VPS13D: variants seen among roughly 807,000 people sequenced by gnomAD.
VPS13D encodes vacuolar protein sorting 13 homolog D.
In VPS13D, 187 loss-of-function variants were observed where a neutral mutation model predicts 461.9. That is an observed-to-expected ratio of 0.40 (90% CI 0.36 to 0.46). The LOEUF is 0.46. Among genes scored for constraint, VPS13D ranks in the 20% least tolerant of loss-of-function variants. The probability of loss-of-function intolerance (pLI) is 0.60; values close to 1 mark genes in which losing one functional copy is unlikely to be tolerated. For synonymous variants in VPS13D, 1,951 were observed against 1,986.3 expected (o/e 0.98, Z 0.47); for missense variants, 4,711 against 5,364.9 (o/e 0.88, Z 3.81).
At chr1:12,248,970 A>G (rs2101228783) in intron 5 of VPS13D, among the ~76,000 whole-genome samples, 1 of 152,310 alleles carries the variant, frequency 6.6e-6, no homozygotes, top group South Asian at 2.1e-4. Flanking sequence ...ACATAACATA[A>G]TATAACATAT....
intron 41 of VPS13D, 28 bp from the exon 42 acceptor site, chr1:12,342,871 A>G: frequency 6.3e-7 from 1 of 1,592,702 alleles, no homozygotes; most frequent in South Asian, 1.1e-5. Context: ...AAACAGGGAC[A>G]GGCTGATGTC....
chr1:12,418,571 G>A (rs1644824292), intron 65 of VPS13D, among the ~76,000 whole-genome samples: 2 of 152,246 alleles, frequency 1.3e-5, no homozygotes, highest in African/African-American at 4.8e-5. Context: ...AAATGAAGAT[G>A]CTTATGATTT....
chr1:12,474,553 T>C (rs574189955), intron 67 of VPS13D, among the ~76,000 whole-genome samples: 21 of 152,280 alleles, frequency 1.4e-4, no homozygotes, highest in Admixed American at 1.4e-3. Flanking sequence ...CATTTCTAGC[T>C]AAGTCTGATG....
intron 58 of VPS13D, among the ~76,000 whole-genome samples, chr1:12,384,528 A>G (rs1374533024): frequency 6.6e-6 from 1 of 152,192 alleles, no homozygotes; most frequent in Non-Finnish European, 1.5e-5. Context: ...TTATTAGGTC[A>G]TAGCGTAATC....
intron 67 of VPS13D, among the ~76,000 whole-genome samples, chr1:12,489,106 T>C (rs79244591): frequency 0.036 from 5,466 of 152,326 alleles, 195 homozygotes; most frequent in Admixed American, 0.11. Context: ...CTTGGAATTC[T>C]TTATAAAGTA....
intron 65 of VPS13D, among the ~76,000 whole-genome samples, chr1:12,450,487 G>T (rs2100378577): frequency 6.6e-6 from 1 of 152,274 alleles, no homozygotes; most frequent in Middle Eastern, 3.4e-3. Flanking sequence ...ACTTGACGAT[G>T]ACGTAAAAGC....
chr1:12,279,607 C>T lies in VPS13D; in HGVS notation c.4559C>T (p.Ser1520Phe), dbSNP rs776582066. The T allele has an allele frequency of 8.1e-6, 13 of 1,612,748 alleles. No individual in the cohort carries two copies. The South Asian group carries it at 1.4e-4, about 18-fold the overall frequency. Residue 1520 changes from serine to phenylalanine, a missense_variant, in exon 20 of 70, where the codon TCT (serine) becomes TTT (phenylalanine). Coordinates refer to ENST00000620676, the MANE Select transcript of VPS13D (RefSeq NM_015378.4). This position sits in a 1 kb window ranked among gnomAD's most constrained non-coding sequence, Gnocchi z 4.3. ...CTTAGCCCAGATGACCTGGGAACTTCTAGCATCATGAAGATTGAAGGAAAA... is the reference window on the plus strand; with the variant it reads ...CTTAGCCCAGATGACCTGGGAACTTTTAGCATCATGAAGATTGAAGGAAAA... ...FSLSPDDLGTSSIMKIEGKFV... is the reference protein window; with the variant it reads ...FSLSPDDLGTFSIMKIEGKFV...
chr1:12,353,377 C>G (rs561433482), intron 46 of VPS13D, among the ~76,000 whole-genome samples: 1 of 151,584 alleles, frequency 6.6e-6, no homozygotes, highest in African/African-American at 2.4e-5. Context: ...ACTAAAAATA[C>G]AAAAAATTAG....
rs774897054 is a variant in VPS13D, at chr1:12,314,265, C to A, written c.7086C>A (p.Ile2362=). 1 of 1,614,178 alleles carries A rather than the reference C, an allele frequency of 6.2e-7. No homozygotes were observed. The highest frequency in any genetic ancestry group is 2.2e-5 in the East Asian group (1 of 44,878). The change falls in exon 30 of 70, where the codon ATC becomes ATA. Residue 2362 remains isoleucine (I), a synonymous_variant. Transcript: ENST00000620676. ...SPGMTNVFSC[I]FQPAKNSSTT... is the part of the protein sequence containing the mutation. The stretch of plus-strand genomic sequence containing the variant: ...GCATGACGAATGTGTTCAGCTGTAT[C>A]TTTCAGCCCGCTAAGAACAGCAGCA...
chr1:12,290,203 A>G (rs1355773220), intron 22 of VPS13D, among the ~76,000 whole-genome samples: 1 of 152,176 alleles, frequency 6.6e-6, no homozygotes, highest in Non-Finnish European at 1.5e-5. Flanking sequence ...GTAGTTTCAA[A>G]TCTGTGTCTC....
Position 12,241,136 on chromosome 1 carries a change from T to C in VPS13D, c.98-1377T>C, listed in dbSNP as rs564246788. ...TTAAAAATTTATTGTAGAGTTGGGGTCTTGCCGTATTGCCCAGGCTGGTCT... is the reference window on the plus strand; with the variant it reads ...TTAAAAATTTATTGTAGAGTTGGGGCCTTGCCGTATTGCCCAGGCTGGTCT... On this transcript the variant is annotated intron_variant, in intron 2 of 69. Transcript: ENST00000620676. Among the ~76,000 whole-genome samples, 23 of 152,030 alleles carry C rather than the reference T, an allele frequency of 1.5e-4. No individual in the cohort carries two copies. The South Asian group carries it at 2.1e-3, about 14-fold the overall frequency.
intron 2 of VPS13D, among the ~76,000 whole-genome samples, chr1:12,234,840 G>A (rs1157620678): frequency 6.6e-6 from 1 of 152,174 alleles, no homozygotes; most frequent in African/African-American, 2.4e-5. Flanking sequence ...CTAGCCTGCT[G>A]GCATATAGTA....
intron 54 of VPS13D, among the ~76,000 whole-genome samples, chr1:12,372,221 T>A (rs1570030218): frequency 6.6e-6 from 1 of 152,186 alleles, no homozygotes; most frequent in South Asian, 2.1e-4. Context: ...GCCCAGCTAA[T>A]TGAAAAAAAA....
chr1:12,341,022 T>TA (rs1267277004), intron 40 of VPS13D, among the ~76,000 whole-genome samples: 1 of 152,234 alleles, frequency 6.6e-6, no homozygotes, highest in Non-Finnish European at 1.5e-5. Context: ...TTGGGTTTCT[T>TA]ACAATGTTTA....
chr1:12,379,692 G>A, intron 57 of VPS13D, 96 bp downstream of exon 57: 2 of 811,636 alleles, frequency 2.5e-6, no homozygotes, highest in South Asian at 1.8e-5. Context: ...TTGTTCAGTG[G>A]GAAAACTAGT....
intron 42 of VPS13D, 115 bp downstream of exon 42, chr1:12,343,166 C>T (rs973519693): frequency 2.3e-6 from 2 of 869,556 alleles, no homozygotes; most frequent in South Asian, 4.0e-5. Context: ...TTTATTTTAT[C>T]TTATCTTATT....
rs146344858 is a variant in VPS13D at position 12,352,704 on chromosome 1, C to T, written c.9432-1270C>T. Among the ~76,000 whole-genome samples, 275 of 152,164 alleles carry T rather than the reference C, an allele frequency of 1.8e-3. 1 individual carries two copies. The highest frequency in any genetic ancestry group is 6.1e-3 in the African/African-American group (253 of 41,514). On this transcript the variant is annotated intron_variant, in intron 46 of 69. Coordinates refer to ENST00000620676, the MANE Select transcript of VPS13D (RefSeq NM_015378.4). ...TACTGGCCGGGCACAGTGGCTCACA[C>T]CTGTAATCCCAGCACTTTGGGAGGC...
At chr1:12,251,989 G>A (rs78533546) in intron 6 of VPS13D, among the ~76,000 whole-genome samples, 4,592 of 152,168 alleles carry the variant, frequency 0.03, 186 homozygotes, top group East Asian at 0.13. Flanking sequence ...GTCTCTCCTT[G>A]TCTAGTGGCT....
intron 67 of VPS13D, among the ~76,000 whole-genome samples, chr1:12,476,436 G>A (rs1192462978): frequency 6.6e-6 from 1 of 152,204 alleles, no homozygotes; most frequent in African/African-American, 2.4e-5. Context: ...AGGAGTCCTC[G>A]TGTTACACAC....
Sources: gnomAD v4.1 joint callset for allele counts (sites outside exome capture counted in the v4.1 genomes callset) on GRCh38, gnomAD v4.1.1 for gene constraint, Gnocchi (gnomAD v3.1) non-coding constraint, MANE v1.5 for transcripts, NCBI Gene and HGNC (gene_info 2026-07-23, HGNC 2026-07-21) for gene names.